PLPPR5: variants seen among roughly 807,000 people sequenced by gnomAD.
PLPPR5 encodes phospholipid phosphatase-related protein type 5.
A neutral mutation model predicts 33.9 loss-of-function variants in PLPPR5; 16 were observed. The observed-to-expected ratio is 0.47, with a 90% CI of 0.32 to 0.72. The LOEUF (loss-of-function observed/expected upper bound fraction) is 0.72. PLPPR5 is among the 30% of genes least tolerant of loss of function. The pLI is 0.03. For synonymous variants in PLPPR5, 163 were observed against 150.3 expected, an observed-to-expected ratio of 1.08 and a Z score of -0.62; for missense variants, 301 against 406.7, an observed-to-expected ratio of 0.74 and a Z score of 2.23.
chr1:98,937,355 G>A (rs918627388), intron 3 of PLPPR5, among the ~76,000 whole-genome samples: 53 of 152,164 alleles, frequency 3.5e-4, no homozygotes, highest in African/African-American at 1.3e-3. Flanking sequence ...TCCCTATCAA[G>A]AGGTAGAGTC....
rs1252063386 is a variant in PLPPR5 at position 99,000,207 on chromosome 1, T to A, written c.237+4228A>T. ...ATTTTCAAAGAGTATATAAACTATA[T>A]CATCTCTGTAAATAAGCCCAAATTA... On this transcript the variant is annotated intron_variant, in intron 1 of 5. Coordinates refer to ENST00000263177, the MANE Select transcript of PLPPR5 (RefSeq NM_001037317.2). Among the ~76,000 whole-genome samples the A allele has an allele frequency of 2.6e-5, 4 of 152,186 alleles. No individual in the cohort carries two copies. In the East Asian group the frequency reaches 5.8e-4, roughly 22 times the overall value.
intron 1 of PLPPR5, among the ~76,000 whole-genome samples, chr1:98,983,177 G>T (rs1228259277): frequency 6.6e-6 from 1 of 150,630 alleles, no homozygotes; most frequent in Non-Finnish European, 1.5e-5. Flanking sequence ...ATGCTGGTGC[G>T]CTGCACCCAC....
intron 3 of PLPPR5, among the ~76,000 whole-genome samples, chr1:98,952,150 C>G (rs913449067): frequency 1.3e-5 from 2 of 151,882 alleles, no homozygotes; most frequent in African/African-American, 4.8e-5. Context: ...GTAGTCCCAG[C>G]TACTCGGAAG....
At chr1:98,996,622 T>G (rs1652643914) in intron 1 of PLPPR5, among the ~76,000 whole-genome samples, 2 of 152,130 alleles carry the variant, frequency 1.3e-5, no homozygotes, top group African/African-American at 4.8e-5. Flanking sequence ...ATAAGGGTGC[T>G]GCTAACTATA....
At chr1:98,929,838 T>C (rs977380956) in intron 3 of PLPPR5, among the ~76,000 whole-genome samples, 5 of 152,220 alleles carry the variant, frequency 3.3e-5, no homozygotes, top group South Asian at 2.1e-4. Context: ...TTATCATCTA[T>C]GAAATCAAGA....
At chr1:98,949,532 C>T (rs1442033719) in intron 3 of PLPPR5, among the ~76,000 whole-genome samples, 3 of 152,128 alleles carry the variant, frequency 2.0e-5, no homozygotes, top group Non-Finnish European at 2.9e-5. Context: ...ATGCCTTTAA[C>T]TAAATACAGC....
At chr1:98,900,613 A>G (rs1648662214) in intron 5 of PLPPR5, among the ~76,000 whole-genome samples, 1 of 152,182 alleles carries the variant, frequency 6.6e-6, no homozygotes, top group African/African-American at 2.4e-5. Context: ...TTTATATACT[A>G]ATACTTTAAC....
chr1:98,916,979 C>T (rs1053377727), intron 4 of PLPPR5, among the ~76,000 whole-genome samples: 6 of 152,166 alleles, frequency 3.9e-5, no homozygotes, highest in South Asian at 4.1e-4. Context: ...AATTAGAAAA[C>T]GAAGAGGTTG....
chr1:98,921,826 G>GCAAA (rs570838146), intron 4 of PLPPR5, 56 bp downstream of exon 4: 1 of 1,381,904 alleles, frequency 7.2e-7, no homozygotes, highest in African/African-American at 1.5e-5. Context: ...ATTTTCTCAT[G>GCAAA]GTGATTATGC....
intron 4 of PLPPR5, among the ~76,000 whole-genome samples, chr1:98,920,927 T>G (rs1649529857): frequency 6.6e-6 from 1 of 152,144 alleles, no homozygotes; most frequent in Admixed American, 6.5e-5. Flanking sequence ...TAATGATTAG[T>G]GCACATGAAT....
At chr1:98,895,709 A>T (rs1350587670) in intron 5 of PLPPR5, among the ~76,000 whole-genome samples, 1 of 152,022 alleles carries the variant, frequency 6.6e-6, no homozygotes, top group Non-Finnish European at 1.5e-5. Context: ...CCAAATTAGC[A>T]TCTTTCCATT....
chr1:98,895,336 C>T (rs938014520), intron 5 of PLPPR5, among the ~76,000 whole-genome samples: 1 of 151,990 alleles, frequency 6.6e-6, no homozygotes, highest in South Asian at 2.1e-4. Context: ...GCACCTTGAC[C>T]TTGGACTTCC....
upstream of PLPPR5, chr1:99,004,877 A>AC: frequency 4.5e-6 from 1 of 222,982 alleles, no homozygotes; most frequent in Non-Finnish European, 8.5e-6. Flanking sequence ...GGAGGCGGCT[A>AC]CCCCCGGACG....
chr1:98,968,111 G>C (rs1651516414), intron 1 of PLPPR5, among the ~76,000 whole-genome samples: 1 of 152,094 alleles, frequency 6.6e-6, no homozygotes, highest in African/African-American at 2.4e-5. Flanking sequence ...AACAAATGCT[G>C]CTGATTAAAC....
At chr1:98,905,069 G>A (rs932841700) in intron 5 of PLPPR5, among the ~76,000 whole-genome samples, 36 of 152,236 alleles carry the variant, frequency 2.4e-4, no homozygotes, top group African/African-American at 7.0e-4. Context: ...TAGCCTTTCC[G>A]ATTCTTTTGT....
chr1:98,956,411 T>C (rs1650999344), intron 2 of PLPPR5, among the ~76,000 whole-genome samples, 198 bp downstream of exon 2: 1 of 152,194 alleles, frequency 6.6e-6, no homozygotes, highest in South Asian at 2.1e-4. Context: ...GAGTAAGTTC[T>C]TTAGTGGTGA....
chr1:98,994,525 A>G (rs1182709432), intron 1 of PLPPR5, among the ~76,000 whole-genome samples: 1 of 152,158 alleles, frequency 6.6e-6, no homozygotes, highest in African/African-American at 2.4e-5. Flanking sequence ...TCTATTCTAG[A>G]AATAATGAGG....
intron 3 of PLPPR5, among the ~76,000 whole-genome samples, chr1:98,928,529 C>A: frequency 2.7e-5 from 2 of 74,492 alleles, no homozygotes; most frequent in South Asian, 5.1e-4. Context: ...TTTTAAAAAA[C>A]TATTAGAAAG....
intron 1 of PLPPR5, among the ~76,000 whole-genome samples, chr1:98,978,635 T>G (rs1651949885): frequency 1.3e-5 from 2 of 152,056 alleles, no homozygotes; most frequent in Admixed American, 1.3e-4. Context: ...TTATGCAGAT[T>G]ACATGATGGT....
Sources: gnomAD v4.1 joint callset for allele counts (sites outside exome capture counted in the v4.1 genomes callset) on GRCh38, gnomAD v4.1.1 for gene constraint, MANE v1.5 for transcripts, NCBI Gene and HGNC (gene_info 2026-07-23, HGNC 2026-07-21) for gene names.